The following CECR2 variants were observed in gnomAD, a reference collection of about 807,000 sequenced individuals.
The protein encoded by CECR2 is CECR2 histone acetyl-lysine reader.
Under a neutral mutation model 154.5 loss-of-function variants are expected in CECR2, and 30 were observed. The ratio of observed to expected loss-of-function variants is 0.19; its 90% CI spans 0.15 to 0.26. The LOEUF is 0.26. Among genes scored for constraint, CECR2 ranks in the 10% least tolerant of loss-of-function variants. CECR2 has a pLI of 1.00. For synonymous variants in CECR2, 725 were observed against 683.7 expected (o/e 1.06, Z -0.94); for missense variants, 1,743 against 1,829.3 (o/e 0.95, Z 0.86).
At chr22:17,516,412 A>G (rs1420559142) in intron 8 of CECR2, among the ~76,000 whole-genome samples, 1 of 152,088 alleles carries the variant, frequency 6.6e-6, no homozygotes, top group African/African-American at 2.4e-5. Flanking sequence ...GAAGCAGCAT[A>G]TTACGATAAA....
chr22:17,508,787 C>T (rs909864859), intron 7 of CECR2, among the ~76,000 whole-genome samples: 1 of 152,154 alleles, frequency 6.6e-6, no homozygotes, highest in Admixed American at 6.5e-5. Context: ...AAAATATATC[C>T]TCATTGTTAA....
chr22:17,382,178 C>G (rs2063205278), intron 1 of CECR2, among the ~76,000 whole-genome samples: 1 of 151,878 alleles, frequency 6.6e-6, no homozygotes, highest in Non-Finnish European at 1.5e-5. Context: ...GCGTGAGCCA[C>G]TGTGCCCGGC....
At chr22:17,445,603 G>T (rs181283935) in intron 1 of CECR2, among the ~76,000 whole-genome samples, 1 of 147,090 alleles carries the variant, frequency 6.8e-6, no homozygotes, top group Non-Finnish European at 1.5e-5. Context: ...TTGAGGCAGA[G>T]GCTCACCCTG....
At chr22:17,373,546 A>T (rs1016261867) in intron 1 of CECR2, among the ~76,000 whole-genome samples, 1 of 152,220 alleles carries the variant, frequency 6.6e-6, no homozygotes, top group African/African-American at 2.4e-5. Flanking sequence ...CATACTTAGA[A>T]ATTCCTAAAT....
chr22:17,521,536 AAAGAG>A (rs1213877034), intron 8 of CECR2, among the ~76,000 whole-genome samples: 24 of 151,892 alleles, frequency 1.6e-4, no homozygotes, highest in African/African-American at 3.9e-4. Context: ...AAAAAAAAAA[AAAGAG>A]AGAGAGAGAG....
In CECR2 at chr22:17,504,879, C is replaced by T; in HGVS notation, c.733C>T (p.Leu245Phe). ...SQGPGQGTWW[L>F]LCQTEEEWRQ... Reference sequence around the variant, plus strand: ...AGGGCCAGGCCAAGGTACTTGGTGGCTCCTGTGCCAGACAGAAGAGGAATG... The same window carrying T: ...AGGGCCAGGCCAAGGTACTTGGTGGTTCCTGTGCCAGACAGAAGAGGAATG... Residue 245 changes from leucine (L) to phenylalanine (F), a missense_variant, in exon 7 of 19, where the codon CTC becomes TTC. Around this residue, in one of 4 missense-constraint regions of CECR2, gnomAD observed 292 missense variants for 301.2 expected, o/e 0.97. Coordinates refer to ENST00000262608, the MANE Select transcript of CECR2 (RefSeq NM_001290047.2). 1 of 1,613,904 alleles carries T rather than the reference C, an allele frequency of 6.2e-7. No individual in the cohort carries two copies.
intron 5 of CECR2, among the ~76,000 whole-genome samples, 169 bp downstream of exon 5, chr22:17,500,904 G>C (rs757802970): frequency 1.6e-4 from 24 of 152,174 alleles, no homozygotes; most frequent in Admixed American, 4.6e-4. Flanking sequence ...GAAGCCCTTA[G>C]TGTGTGACAT....
At chr22:17,400,855 G>T (rs925453100) in intron 1 of CECR2, among the ~76,000 whole-genome samples, 4 of 152,108 alleles carry the variant, frequency 2.6e-5, no homozygotes, top group Non-Finnish European at 5.9e-5. Context: ...GGCTCAAGCA[G>T]TCCTCTGGCC....
intron 8 of CECR2, among the ~76,000 whole-genome samples, chr22:17,517,915 A>C (rs2056087357): frequency 6.6e-6 from 1 of 152,238 alleles, no homozygotes; most frequent in African/African-American, 2.4e-5. Context: ...AGCAGTGAGC[A>C]TATTATGGTT....
chr22:17,408,515 C>T (rs1448838404), intron 1 of CECR2, among the ~76,000 whole-genome samples: 3 of 152,116 alleles, frequency 2.0e-5, no homozygotes, highest in Non-Finnish European at 4.4e-5. Context: ...GTTTGCTCAG[C>T]ATTTTTGTTG....
chr22:17,382,225 G>A (rs912019788), intron 1 of CECR2, among the ~76,000 whole-genome samples: 1 of 152,156 alleles, frequency 6.6e-6, no homozygotes, highest in Non-Finnish European at 1.5e-5. Flanking sequence ...AATAGAAAAA[G>A]AGGTTGAGAG....
Position 17,548,548 on chromosome 22 carries a change from G to T in CECR2, c.3261G>T (p.Leu1087Phe). ...TGCTCTGCCCCAGAGGCAGAACGTTGCAGGAAACCATGCCATGCACGGGAC... is the reference window on the plus strand; with the variant it reads ...TGCTCTGCCCCAGAGGCAGAACGTTTCAGGAAACCATGCCATGCACGGGAC... ...EKLLCPRGRT[L>F]QETMPCTGQN... Residue 1087 changes from leucine to phenylalanine, a missense_variant, in exon 17 of 19, where the codon TTG (leucine) becomes TTT (phenylalanine). This residue lies in a region of CECR2 where 1,250 missense variants were observed against 1,192.1 expected (regional missense o/e 1.05). Coordinates refer to ENST00000262608, the MANE Select transcript of CECR2 (RefSeq NM_001290047.2). 6.2e-7 allele frequency: 1 copy of T among 1,613,788 alleles called. No homozygotes were observed. Among genetic ancestry groups the T allele is most frequent in the Non-Finnish European group, 8.5e-7 (1 of 1,179,808 alleles).
intron 3 of CECR2, among the ~76,000 whole-genome samples, chr22:17,498,297 A>G (rs762488925): frequency 6.6e-6 from 1 of 152,070 alleles, no homozygotes; most frequent in Non-Finnish European, 1.5e-5. Flanking sequence ...AGGCTGAGGC[A>G]GGAGAATGGC....
intron 2 of CECR2, among the ~76,000 whole-genome samples, chr22:17,492,309 T>G (rs974652897): frequency 3.9e-5 from 6 of 152,076 alleles, no homozygotes; most frequent in Non-Finnish European, 8.8e-5. Context: ...TCAAAGAACT[T>G]AAGAGTCTTC....
At chr22:17,477,349 G>A (rs1257200857) in intron 1 of CECR2, among the ~76,000 whole-genome samples, 4 of 152,190 alleles carry the variant, frequency 2.6e-5, no homozygotes, top group South Asian at 4.2e-4. Flanking sequence ...CTCATGTGCC[G>A]GTAAGAGGAA....
intron 1 of CECR2, among the ~76,000 whole-genome samples, chr22:17,445,095 A>G (rs1237833733): frequency 6.6e-6 from 1 of 152,094 alleles, no homozygotes; most frequent in Non-Finnish European, 1.5e-5. Context: ...ACATATTCAC[A>G]ATTTGGATTT....
chr22:17,495,567 T>TAAA (rs35952986), intron 2 of CECR2, among the ~76,000 whole-genome samples: 111 of 124,796 alleles, frequency 8.9e-4, no homozygotes, highest in Admixed American at 2.2e-3. Flanking sequence ...AAAACTCCAT[T>TAAA]AAAAAAAAAA....
At chr22:17,389,083 G>C (rs984130765) in intron 1 of CECR2, among the ~76,000 whole-genome samples, 1 of 152,084 alleles carries the variant, frequency 6.6e-6, no homozygotes, top group African/African-American at 2.4e-5. Context: ...CAAAGTGCTG[G>C]GATTACAGGT....
chr22:17,477,960 C>T (rs533862750), intron 2 of CECR2, among the ~76,000 whole-genome samples: 2 of 152,238 alleles, frequency 1.3e-5, no homozygotes, highest in African/African-American at 4.8e-5. Flanking sequence ...AGAATTTCTT[C>T]TTATATTTGC....
Sources: allele counts gnomAD v4.1 joint callset (sites outside exome capture counted in the v4.1 genomes callset), GRCh38; gene constraint gnomAD v4.1.1; regional missense constraint gnomAD v4.1.1; transcripts MANE v1.5; gene names NCBI Gene and HGNC (gene_info 2026-07-23, HGNC 2026-07-21).